Variants in LEF1 observed in about 807,000 individuals in gnomAD.
The protein encoded by LEF1 is lymphoid enhancer binding factor 1.
LEF1 carries 14 observed loss-of-function variants against 51.2 expected under a neutral mutation model. The observed-to-expected ratio is 0.27, with a 90% CI of 0.18 to 0.43. The LOEUF is 0.43. Ranked by LOEUF, LEF1 falls within the 20% of genes least tolerant of loss-of-function variation. The pLI is 1.00. For synonymous variants in LEF1, 185 were observed against 183.2 expected (o/e 1.01, Z -0.08); for missense variants, 386 against 512.0 (o/e 0.75, Z 2.37).
At chr4:108,081,402 G>T (rs900372591) in intron 6 of LEF1, among the ~76,000 whole-genome samples, 184 bp downstream of exon 6, 6 of 152,222 alleles carry the variant, frequency 3.9e-5, no homozygotes, top group South Asian at 2.1e-4. Flanking sequence ...CCGGGGCACA[G>T]CGCAGAGCTC....
At chr4:108,130,802 C>A (rs2110350723) in intron 3 of LEF1, among the ~76,000 whole-genome samples, 1 of 152,018 alleles carries the variant, frequency 6.6e-6, no homozygotes, top group Non-Finnish European at 1.5e-5. Context: ...CTTGCCCTTC[C>A]CAAGTTGCTT....
At chr4:108,153,902 C>T (rs189732845) in intron 3 of LEF1, among the ~76,000 whole-genome samples, 72 of 152,202 alleles carry the variant, frequency 4.7e-4, no homozygotes, top group Non-Finnish European at 8.1e-4. Flanking sequence ...AAAATGATAC[C>T]TTATGTTCCT....
intron 8 of LEF1, among the ~76,000 whole-genome samples, chr4:108,074,254 T>A (rs1440717186): frequency 6.6e-6 from 1 of 152,140 alleles, no homozygotes; most frequent in Non-Finnish European, 1.5e-5. Context: ...AAATAAAGAG[T>A]CAAACTTTTT....
intron 3 of LEF1, among the ~76,000 whole-genome samples, chr4:108,155,298 G>A (rs942798401): frequency 3.9e-5 from 6 of 152,102 alleles, no homozygotes; most frequent in East Asian, 3.8e-4. Flanking sequence ...TCCCTCATAC[G>A]TCTCATTCCC....
chr4:108,164,479 T>C (rs1745261194), intron 2 of LEF1, among the ~76,000 whole-genome samples: 1 of 152,230 alleles, frequency 6.6e-6, no homozygotes, highest in South Asian at 2.1e-4. Flanking sequence ...CTAAGGTTAC[T>C]TGATTCTTTT....
chr4:108,084,861 G>C (rs1341655592), intron 4 of LEF1, among the ~76,000 whole-genome samples: 2 of 151,958 alleles, frequency 1.3e-5, no homozygotes, highest in Non-Finnish European at 2.9e-5. Context: ...TCATTGAGGA[G>C]GTTTTTCAAC....
intron 3 of LEF1, among the ~76,000 whole-genome samples, chr4:108,101,710 T>C (rs1343436251): frequency 6.6e-6 from 1 of 152,142 alleles, no homozygotes; most frequent in Non-Finnish European, 1.5e-5. Flanking sequence ...AAATGATAAA[T>C]GAAATTCTAA....
At chr4:108,132,063 T>C (rs1301097784) in intron 3 of LEF1, among the ~76,000 whole-genome samples, 1 of 152,218 alleles carries the variant, frequency 6.6e-6, no homozygotes, top group Non-Finnish European at 1.5e-5. Flanking sequence ...ATCCAAAATG[T>C]ATCACAGGAC....
intron 3 of LEF1, among the ~76,000 whole-genome samples, chr4:108,128,070 C>A (rs1215065876): frequency 6.6e-6 from 1 of 152,066 alleles, no homozygotes; most frequent in African/African-American, 2.4e-5. Flanking sequence ...CAGTGAATAC[C>A]AGTAAGTTCA....
intron 3 of LEF1, among the ~76,000 whole-genome samples, chr4:108,109,391 T>C (rs926867649): frequency 5.3e-5 from 8 of 152,220 alleles, no homozygotes; most frequent in Admixed American, 4.6e-4. Flanking sequence ...TGATTAAGCA[T>C]GAACTCCAGA....
chr4:108,108,906 G>A (rs770479406), intron 3 of LEF1, among the ~76,000 whole-genome samples: 1 of 152,112 alleles, frequency 6.6e-6, no homozygotes, highest in African/African-American at 2.4e-5. Context: ...GTTGACTTAT[G>A]TGTGTATTTC....
intron 1 of LEF1, chr4:108,166,438 GT>G: frequency 7.1e-7 from 1 of 1,409,830 alleles, no homozygotes; most frequent in Non-Finnish European, 9.2e-7. Context: ...GGGAAAAGGC[GT>G]TGGTTAAATC....
chr4:108,092,692 ACTAT>A (rs35245740), intron 3 of LEF1, among the ~76,000 whole-genome samples: 68,019 of 151,594 alleles, frequency 0.45, 17,459 homozygotes, highest in Middle Eastern at 0.68. Flanking sequence ...TAATCAACCA[ACTAT>A]CTAAGTGTTT....
At chr4:108,076,534 C>T (rs1308195319) in intron 8 of LEF1, among the ~76,000 whole-genome samples, 1 of 152,108 alleles carries the variant, frequency 6.6e-6, no homozygotes, top group East Asian at 1.9e-4. Context: ...CACCACCACA[C>T]ACTCAGCTAA....
chr4:108,115,353 C>T (rs535831115), intron 3 of LEF1, among the ~76,000 whole-genome samples: 1 of 152,342 alleles, frequency 6.6e-6, no homozygotes, highest in South Asian at 2.1e-4. Flanking sequence ...TACCCGCTCT[C>T]TCAGTGGCTA....
chr4:108,063,512 C>CTT (rs1263818857), intron 11 of LEF1, 111 bp downstream of exon 11: 1 of 826,722 alleles, frequency 1.2e-6, no homozygotes, highest in Non-Finnish European at 2.0e-6. Flanking sequence ...CTGAGTTCTC[C>CTT]TCTTTAAGGA....
chr4:108,124,001 A>AGG (rs1245205386), intron 3 of LEF1, among the ~76,000 whole-genome samples: 2 of 152,110 alleles, frequency 1.3e-5, no homozygotes, highest in Non-Finnish European at 2.9e-5. Context: ...AACTAAAAAT[A>AGG]GCCATGTGTG....
chr4:108,135,922 T>C (rs1743237510), intron 3 of LEF1, among the ~76,000 whole-genome samples: 1 of 152,166 alleles, frequency 6.6e-6, no homozygotes, highest in African/African-American at 2.4e-5. Context: ...TGCCCAAATG[T>C]GAACTGTACA....
intron 8 of LEF1, among the ~76,000 whole-genome samples, chr4:108,074,957 T>C (rs190987442): frequency 1.3e-5 from 2 of 152,176 alleles, no homozygotes; most frequent in Non-Finnish European, 2.9e-5. Flanking sequence ...AAGAAAAAAC[T>C]AAGAGTTGCA....
Sources: allele counts gnomAD v4.1 joint callset (sites outside exome capture counted in the v4.1 genomes callset), GRCh38; gene constraint gnomAD v4.1.1; transcripts MANE v1.5; gene names NCBI Gene and HGNC (gene_info 2026-07-23, HGNC 2026-07-21).